Variants in ZBTB7C observed in about 807,000 individuals in gnomAD.
ZBTB7C encodes the protein zinc finger and BTB domain-containing protein 7C.
A neutral mutation model predicts 25.7 loss-of-function variants in ZBTB7C; 8 were observed. The ratio of observed to expected loss-of-function variants is 0.31; its 90% confidence interval spans 0.18 to 0.56. The LOEUF is 0.56. Ranked by LOEUF, ZBTB7C falls within the 20% of genes least tolerant of loss-of-function variation. The pLI is 0.91. For synonymous variants in ZBTB7C, 394 were observed against 369.0 expected (o/e 1.07, Z -0.78); for missense variants, 824 against 855.2 (o/e 0.96, Z 0.46).
chr18:48,082,915 T>C (rs2038046804), intron 3 of ZBTB7C, among the ~76,000 whole-genome samples: 1 of 152,214 alleles, frequency 6.6e-6, no homozygotes, highest in Non-Finnish European at 1.5e-5. Context: ...TCAGGCCTCA[T>C]GTCCTGGATG....
chr18:48,162,717 A>G (rs1023729892), intron 3 of ZBTB7C, among the ~76,000 whole-genome samples: 7 of 152,200 alleles, frequency 4.6e-5, no homozygotes, highest in African/African-American at 1.7e-4. Context: ...ACAGGAAAAT[A>G]GGGACCGTAA....
intron 3 of ZBTB7C, among the ~76,000 whole-genome samples, chr18:48,115,405 C>A (rs540006958): frequency 1.2e-3 from 137 of 117,198 alleles, no homozygotes; most frequent in Non-Finnish European, 1.9e-3. Flanking sequence ...CCCGCCACCG[C>A]ACCTAGCTAA....
chr18:48,262,146 C>T (rs1212725888), intron 2 of ZBTB7C, among the ~76,000 whole-genome samples: 1 of 152,174 alleles, frequency 6.6e-6, no homozygotes, highest in Non-Finnish European at 1.5e-5. Flanking sequence ...ATGACTGTCT[C>T]ATTGTACAGC....
At chr18:48,047,367 GAAACA>G (rs1004064474) in intron 3 of ZBTB7C, among the ~76,000 whole-genome samples, 1 of 151,838 alleles carries the variant, frequency 6.6e-6, no homozygotes, top group Admixed American at 6.6e-5. Context: ...ACACACATGA[GAAACA>G]AAACAAAACA....
At chr18:48,077,554 C>T (rs191367669) in intron 3 of ZBTB7C, among the ~76,000 whole-genome samples, 67 of 152,312 alleles carry the variant, frequency 4.4e-4, no homozygotes, top group African/African-American at 1.4e-3. Flanking sequence ...GCTTAAAACA[C>T]TTGTTGAATG....
At chr18:48,094,740 A>T (rs2038551113) in intron 3 of ZBTB7C, among the ~76,000 whole-genome samples, 1 of 152,134 alleles carries the variant, frequency 6.6e-6, no homozygotes, top group South Asian at 2.1e-4. Flanking sequence ...TGCATTTTCA[A>T]TTGCAGTGAG....
At chr18:48,117,068 G>C (rs1232051403) in intron 3 of ZBTB7C, among the ~76,000 whole-genome samples, 2 of 152,084 alleles carry the variant, frequency 1.3e-5, no homozygotes, top group African/African-American at 4.8e-5. Flanking sequence ...GCTGGGCGTG[G>C]TTAGAGCTGT....
intron 3 of ZBTB7C, among the ~76,000 whole-genome samples, chr18:48,113,460 C>T (rs944900532): frequency 6.6e-6 from 1 of 152,214 alleles, no homozygotes; most frequent in Non-Finnish European, 1.5e-5. Flanking sequence ...CCTGGAGCCC[C>T]TCCCCTGGAA....
chr18:48,103,188 T>C (rs922813887), intron 3 of ZBTB7C, among the ~76,000 whole-genome samples: 21 of 148,586 alleles, frequency 1.4e-4, no homozygotes, highest in Non-Finnish European at 2.4e-4. Context: ...TGCTAGGGGG[T>C]CACAGACCAG....
chr18:48,047,705 C>G (rs1399998821), intron 3 of ZBTB7C, among the ~76,000 whole-genome samples: 1 of 152,178 alleles, frequency 6.6e-6, no homozygotes, highest in African/African-American at 2.4e-5. Flanking sequence ...TCTGTCCTCT[C>G]AGAGAGAGAC....
intron 1 of ZBTB7C, among the ~76,000 whole-genome samples, chr18:48,339,996 G>A (rs930188838): frequency 3.3e-5 from 5 of 152,178 alleles, no homozygotes; most frequent in African/African-American, 9.7e-5. Flanking sequence ...AAGCCCCTTC[G>A]AAAGAGCAAA....
At chr18:48,394,656 T>C (rs2047978214) in intron 1 of ZBTB7C, among the ~76,000 whole-genome samples, 1 of 152,228 alleles carries the variant, frequency 6.6e-6, no homozygotes, top group Admixed American at 6.5e-5. Flanking sequence ...GGTTTGTGTG[T>C]GTCTGTGTGC....
At chr18:48,236,216 C>T (rs1299663804) in intron 2 of ZBTB7C, among the ~76,000 whole-genome samples, 2 of 152,234 alleles carry the variant, frequency 1.3e-5, no homozygotes, top group Admixed American at 6.5e-5. Flanking sequence ...CCATACTTCT[C>T]ATCTAACTCT....
At chr18:48,149,605 G>A (rs1174016997) in intron 3 of ZBTB7C, 3 of 152,184 alleles carry the variant, frequency 2.0e-5, no homozygotes, top group Admixed American at 2.0e-4. Flanking sequence ...GTAGGCCAAG[G>A]TTAGGCTTGT....
chr18:48,359,509 C>T (rs1264627668), intron 1 of ZBTB7C, among the ~76,000 whole-genome samples: 4 of 152,252 alleles, frequency 2.6e-5, no homozygotes, highest in East Asian at 1.9e-4. Context: ...GTGAGACAGA[C>T]AGGCCAGATG....
intron 2 of ZBTB7C, among the ~76,000 whole-genome samples, chr18:48,307,306 G>A (rs1167757215): frequency 1.3e-5 from 2 of 152,166 alleles, no homozygotes; most frequent in Non-Finnish European, 2.9e-5. Context: ...AAAGGCACAA[G>A]ACAACTAATT....
intron 3 of ZBTB7C, among the ~76,000 whole-genome samples, chr18:48,140,815 A>G (rs1598957428): frequency 6.6e-6 from 1 of 151,856 alleles, no homozygotes; most frequent in African/African-American, 2.4e-5. Flanking sequence ...CCCCAGCCAA[A>G]CCATCCATCA....
intron 2 of ZBTB7C, among the ~76,000 whole-genome samples, chr18:48,292,565 G>A (rs2045262882): frequency 6.6e-6 from 1 of 152,228 alleles, no homozygotes. Flanking sequence ...CAAGCAGAGA[G>A]AAGAGATGCT....
At chr18:48,326,366 G>T (rs1036987365) in intron 2 of ZBTB7C, among the ~76,000 whole-genome samples, 2 of 152,182 alleles carry the variant, frequency 1.3e-5, no homozygotes, top group Non-Finnish European at 2.9e-5. Context: ...AAAGGGCTGG[G>T]ATTACAGGCG....
Sources: allele counts gnomAD v4.1 joint callset (sites outside exome capture counted in the v4.1 genomes callset), GRCh38; gene constraint gnomAD v4.1.1; transcripts MANE v1.5; gene names NCBI Gene and HGNC (gene_info 2026-07-23, HGNC 2026-07-21).